The following INPP4B variants were observed in gnomAD, a reference collection of about 807,000 sequenced individuals.
The protein encoded by INPP4B is inositol polyphosphate 4-phosphatase type II.
INPP4B carries 55 observed loss-of-function variants against 122.5 expected under a neutral mutation model. The ratio of observed to expected loss-of-function variants is 0.45; its 90% confidence interval spans 0.36 to 0.56. The LOEUF is 0.56. Among genes scored for constraint, INPP4B ranks in the 20% least tolerant of loss-of-function variants. INPP4B has a pLI of 0.00. For missense variants in INPP4B, 1,000 were observed against 1,097.7 expected (o/e 0.91, Z 1.26); for synonymous variants, 403 against 388.7 (o/e 1.04, Z -0.43).
chr4:142,420,886 G>A (rs1407297287), intron 5 of INPP4B, among the ~76,000 whole-genome samples: 1 of 152,142 alleles, frequency 6.6e-6, no homozygotes, highest in Non-Finnish European at 1.5e-5. Context: ...CCCTGCTCAA[G>A]GAAGTTTTGA....
intron 9 of INPP4B, among the ~76,000 whole-genome samples, chr4:142,304,066 TGAA>T (rs1346044109): frequency 6.6e-6 from 1 of 152,136 alleles, no homozygotes; most frequent in Non-Finnish European, 1.5e-5. Context: ...GTCAGTAAGA[TGAA>T]GAAGAACATG....
At chr4:142,716,183 G>A (rs1225519131) in intron 2 of INPP4B, among the ~76,000 whole-genome samples, 1 of 152,176 alleles carries the variant, frequency 6.6e-6, no homozygotes, top group Non-Finnish European at 1.5e-5. Context: ...TGCCAACGAG[G>A]TTCTGGAAAA....
At chr4:142,680,389 T>C (rs1758450675) in intron 2 of INPP4B, among the ~76,000 whole-genome samples, 2 of 151,862 alleles carry the variant, frequency 1.3e-5, no homozygotes, top group South Asian at 4.1e-4. Flanking sequence ...TCAGCTAACA[T>C]TATAATTTGT....
At chr4:142,840,385 A>G (rs1251201123) in intron 1 of INPP4B, among the ~76,000 whole-genome samples, 1 of 152,172 alleles carries the variant, frequency 6.6e-6, no homozygotes, top group African/African-American at 2.4e-5. Flanking sequence ...CTATTTTAGA[A>G]TAATCATAAG....
intron 22 of INPP4B, among the ~76,000 whole-genome samples, chr4:142,111,539 G>T (rs1160355443): frequency 6.6e-6 from 1 of 151,892 alleles, no homozygotes; most frequent in African/African-American, 2.4e-5. Context: ...TAGAGTTGGG[G>T]TTTTGTCATA....
intron 2 of INPP4B, among the ~76,000 whole-genome samples, chr4:142,595,053 T>A (rs1312583088): frequency 6.6e-6 from 1 of 152,020 alleles, no homozygotes; most frequent in Admixed American, 6.6e-5. Flanking sequence ...TTAGCTGTAA[T>A]GACTTTTCCA....
At position 142,314,873 on chromosome 4, in the gene INPP4B, G is replaced by A. The variant is rs1406626564; in HGVS notation, c.373-111C>T. ...ATCTCGCGTCAATTCAGACTCTGTG[G>A]TTAATCATTAATGAATTCACCTGTG... On this transcript the variant is annotated intron_variant, in intron 7 of 25. Transcript: ENST00000262992. 5.4e-5 allele frequency: 45 copies of A among 837,500 alleles called. No individual in the cohort carries two copies. In the East Asian group the frequency reaches 1.2e-3, roughly 22 times the overall value. The allele number at this position is 837,500 out of a possible 1,614,324, so 51.9% of individuals were successfully genotyped here. A position where few individuals can be genotyped will look rare whatever the true frequency, so the allele number is the denominator to read the frequency against.
chr4:142,173,643 G>C lies in INPP4B; in HGVS notation c.1348C>G (p.Leu450Val). 2 of 1,609,912 alleles carry C rather than the reference G, an allele frequency of 1.2e-6. No homozygotes were observed. The highest frequency in any genetic ancestry group is 1.1e-5 in the South Asian group (1 of 90,392). The change falls in exon 16 of 26, where the codon CTT (leucine) becomes GTT (valine). Residue 450 changes from leucine (L) to valine (V), a missense_variant. Coordinates refer to ENST00000262992, the MANE Select transcript of INPP4B (RefSeq NM_001101669.3). ...PDSLKNSLKM[L>V]SEKTELFVHA... ...GATTTGGATCTTACTTTTTCTGAAAGCATCTTTAAAGAATTCTTCAAGCTG... is the reference window on the plus strand; with the variant it reads ...GATTTGGATCTTACTTTTTCTGAAACCATCTTTAAAGAATTCTTCAAGCTG...
chr4:142,614,277 C>T (rs371817882), intron 2 of INPP4B, among the ~76,000 whole-genome samples: 1 of 151,914 alleles, frequency 6.6e-6, no homozygotes, highest in Non-Finnish European at 1.5e-5. Context: ...AGCAAGTTGT[C>T]AAAAATATAC....
At chr4:142,706,364 T>C (rs1762472435) in intron 2 of INPP4B, among the ~76,000 whole-genome samples, 1 of 152,258 alleles carries the variant, frequency 6.6e-6, no homozygotes, top group African/African-American at 2.4e-5. Flanking sequence ...ACTTGGTTCA[T>C]GATTGATATT....
intron 17 of INPP4B, among the ~76,000 whole-genome samples, chr4:142,155,404 T>G (rs1373104304): frequency 6.6e-6 from 1 of 152,118 alleles, no homozygotes; most frequent in Non-Finnish European, 1.5e-5. Flanking sequence ...AAGTTGGGAA[T>G]ATAGATCACT....
chr4:142,209,295 A>T (rs1843843771), intron 12 of INPP4B, among the ~76,000 whole-genome samples: 1 of 152,204 alleles, frequency 6.6e-6, no homozygotes, highest in Non-Finnish European at 1.5e-5. Flanking sequence ...AAGATGGCAG[A>T]CTTCCTATTC....
intron 2 of INPP4B, among the ~76,000 whole-genome samples, chr4:142,633,514 A>C (rs1308042120): frequency 6.6e-6 from 1 of 152,160 alleles, no homozygotes; most frequent in East Asian, 1.9e-4. Flanking sequence ...AAAGGAATTA[A>C]AATTATACAA....
chr4:142,614,063 G>A (rs1206727842), intron 2 of INPP4B, among the ~76,000 whole-genome samples: 1 of 152,114 alleles, frequency 6.6e-6, no homozygotes, highest in Non-Finnish European at 1.5e-5. Flanking sequence ...AAACAGCATA[G>A]TGCTGGTATA....
chr4:142,461,605 G>A (rs757959222), intron 3 of INPP4B, among the ~76,000 whole-genome samples: 1 of 152,084 alleles, frequency 6.6e-6, no homozygotes, highest in Non-Finnish European at 1.5e-5. Flanking sequence ...GCATTATCTA[G>A]ATTCTAGAAA....
chr4:142,331,598 T>G (rs1774537327), intron 7 of INPP4B, among the ~76,000 whole-genome samples: 1 of 152,174 alleles, frequency 6.6e-6, no homozygotes, highest in Non-Finnish European at 1.5e-5. Flanking sequence ...TTAATAGAAT[T>G]TACGTATTTG....
intron 2 of INPP4B, among the ~76,000 whole-genome samples, chr4:142,594,914 C>A (rs1466504028): frequency 7.2e-6 from 1 of 138,296 alleles, no homozygotes; most frequent in East Asian, 2.2e-4. Context: ...AAGATCGCGT[C>A]ACTGCACTCC....
At chr4:142,716,394 T>C (rs999456224) in intron 2 of INPP4B, among the ~76,000 whole-genome samples, 2 of 152,210 alleles carry the variant, frequency 1.3e-5, no homozygotes, top group African/African-American at 4.8e-5. Flanking sequence ...TATCGCATCT[T>C]TCTAATACTT....
intron 2 of INPP4B, among the ~76,000 whole-genome samples, chr4:142,517,388 A>G (rs753433370): frequency 2.6e-5 from 4 of 152,094 alleles, no homozygotes; most frequent in Non-Finnish European, 5.9e-5. Context: ...CAGGTGTTGT[A>G]AATCAGACAC....
Sources: gnomAD v4.1 joint callset for allele counts (sites outside exome capture counted in the v4.1 genomes callset) on GRCh38, gnomAD v4.1.1 for gene constraint, MANE v1.5 for transcripts, NCBI Gene and HGNC (gene_info 2026-07-23, HGNC 2026-07-21) for gene names.